Variants in MED13L observed in about 807,000 individuals in gnomAD.
MED13L encodes mediator of RNA polymerase II transcription subunit 13-like.
A neutral mutation model predicts 220.9 loss-of-function variants in MED13L; 7 were observed. The observed-to-expected ratio is 0.03, with a 90% CI of 0.02 to 0.06. MED13L has a LOEUF of 0.06. Ranked by LOEUF, MED13L falls within the 10% of genes least tolerant of loss-of-function variation. The pLI is 1.00. For synonymous variants in MED13L, 1,011 were observed against 1,015.2 expected, an observed-to-expected ratio of 1.00 and a Z score of 0.08; for missense variants, 1,965 against 2,760.5, an observed-to-expected ratio of 0.71 and a Z score of 6.46.
At position 116,007,123 on chromosome 12, in the gene MED13L, T is replaced by G. The variant is rs1038240769; in HGVS notation, c.2238+288A>C. ...AATATTTTAAAAGAAATAGGGAGCA[T>G]AGGCCAACAAGAATTAGCATATGAG... On this transcript the variant is annotated intron_variant, in intron 11 of 30. Coordinates refer to ENST00000281928, the MANE Select transcript of MED13L (RefSeq NM_015335.5). The G allele has an allele frequency of 6.8e-6, 3 of 441,330 alleles. No individual in the cohort carries two copies. The South Asian group carries it at 7.3e-5, about 11-fold the overall frequency. The allele number at this position is 441,330 out of a possible 1,614,324, so 27.3% of individuals were successfully genotyped here. A position where few individuals can be genotyped will look rare whatever the true frequency, so the allele number is the denominator to read the frequency against.
At chr12:116,192,613 T>C (rs1267388621) in intron 2 of MED13L, among the ~76,000 whole-genome samples, 1 of 152,216 alleles carries the variant, frequency 6.6e-6, no homozygotes, top group South Asian at 2.1e-4. Context: ...AAAGTCTTTA[T>C]ACCAACCTAC....
intron 2 of MED13L, among the ~76,000 whole-genome samples, chr12:116,112,028 A>T (rs1020060413): frequency 1.3e-5 from 2 of 152,194 alleles, no homozygotes; most frequent in African/African-American, 4.8e-5. Context: ...AGGAAATTAC[A>T]TCTTCCCAGA....
At chr12:115,982,949 T>G (rs1877430009) in intron 21 of MED13L, among the ~76,000 whole-genome samples, 168 bp downstream of exon 21, 1 of 152,192 alleles carries the variant, frequency 6.6e-6, no homozygotes, top group Non-Finnish European at 1.5e-5. Flanking sequence ...AGTCTCAAAT[T>G]TTTAACACTG....
chr12:116,115,751 T>C (rs546575939), intron 2 of MED13L, among the ~76,000 whole-genome samples: 24 of 152,084 alleles, frequency 1.6e-4, no homozygotes, highest in East Asian at 1.4e-3. Context: ...AATAAGTATA[T>C]GAAAAAGTGC....
chr12:115,992,071 C>A, intron 16 of MED13L, 114 bp from the exon 17 acceptor site: 1 of 874,560 alleles, frequency 1.1e-6, no homozygotes, highest in Non-Finnish European at 1.8e-6. Flanking sequence ...TTTCTGCTAT[C>A]ACTGGGATAC....
At chr12:116,082,627 G>A (rs1871310841) in intron 4 of MED13L, 1 of 151,900 alleles carries the variant, frequency 6.6e-6, no homozygotes, top group South Asian at 2.1e-4. Flanking sequence ...AGATTAACAT[G>A]GCCCCTGCAC....
chr12:115,977,231 A>G lies in MED13L; in HGVS notation c.5365-1493T>C, dbSNP rs80016235. Among the ~76,000 whole-genome samples, 58 of 152,362 alleles carry G rather than the reference A, an allele frequency of 3.8e-4. No individual in the cohort carries two copies. In the East Asian group the frequency reaches 8.5e-3, roughly 22 times the overall value. On this transcript the variant is annotated intron_variant, in intron 23 of 30. Coordinates refer to ENST00000281928, the MANE Select transcript of MED13L (RefSeq NM_015335.5). ...TGCAGGCCAGATACAGCCCAAATCCATAGTTGCTGACCCCTGAACTACACA... is the reference window on the plus strand; with the variant it reads ...TGCAGGCCAGATACAGCCCAAATCCGTAGTTGCTGACCCCTGAACTACACA...
rs890253708 is a variant in MED13L at position 115,982,670 on chromosome 12, G to A, written c.4956-67C>T. On this transcript the variant is annotated intron_variant, in intron 21 of 30. Coordinates refer to ENST00000281928, the MANE Select transcript of MED13L (RefSeq NM_015335.5). ...AATTACACGAACATGAAAAACAAAA[G>A]GGCTCAATTCTAGAGCACACAGGCT... The A allele has an allele frequency of 5.2e-6, 7 of 1,349,158 alleles. No individual in the cohort carries two copies. In the Admixed American group the frequency reaches 1.3e-4, roughly 25 times the overall value. The allele number at this position is 1,349,158 out of a possible 1,614,324, so 83.6% of individuals were successfully genotyped here. A position where few individuals can be genotyped will look rare whatever the true frequency, so the allele number is the denominator to read the frequency against.
At chr12:115,983,829 G>A (rs188156136) in intron 20 of MED13L, among the ~76,000 whole-genome samples, 119 of 152,192 alleles carry the variant, frequency 7.8e-4, no homozygotes, top group South Asian at 1.9e-3. Flanking sequence ...TAAAAAATGA[G>A]AAGCTATATA....
At chr12:116,273,782 G>C (rs1873588421) in intron 1 of MED13L, among the ~76,000 whole-genome samples, 1 of 152,172 alleles carries the variant, frequency 6.6e-6, no homozygotes, top group Non-Finnish European at 1.5e-5. Context: ...TCATATCAAA[G>C]AGCACATATT....
intron 2 of MED13L, among the ~76,000 whole-genome samples, chr12:116,221,015 ATAACTACTAACTCTATC>A (rs1450504461): frequency 6.6e-6 from 1 of 152,174 alleles, no homozygotes; most frequent in Non-Finnish European, 1.5e-5. Context: ...CACTTATTTG[ATAACTACTAACTCTATC>A]CTACATATTA....
intron 4 of MED13L, among the ~76,000 whole-genome samples, chr12:116,061,746 G>A (rs941684458): frequency 2.0e-5 from 3 of 152,158 alleles, no homozygotes; most frequent in East Asian, 3.9e-4. Flanking sequence ...AGTGGCTCAC[G>A]CCTGTAATCT....
chr12:116,019,345 C>A lies in MED13L; in HGVS notation c.888G>T (p.Gln296His). 3.1e-6 allele frequency: 5 copies of A among 1,614,082 alleles called. No homozygotes were observed. The highest frequency in any genetic ancestry group is 3.4e-6 in the Non-Finnish European group (4 of 1,179,964). ...LISQNDIPVP[Q>H]SVASAGGHIA... is the part of the protein sequence containing the mutation. ...TGTGGCCTCCAGCACTGGCAACACT[C>A]TGAGGAACCGGGATGTCATTCTGAG... Residue 296 changes from glutamine to histidine, a missense_variant, in exon 7 of 31, where the codon CAG (glutamine) becomes CAT (histidine). Physicochemically the swap from Gln to His is conservative, Grantham distance 24 (BLOSUM62 0). Coordinates refer to ENST00000281928, the MANE Select transcript of MED13L (RefSeq NM_015335.5).
rs1878402005 is a variant in MED13L at position 115,996,335 on chromosome 12, G to A, written c.2996+141C>T. On this transcript the variant is annotated intron_variant, in intron 16 of 30. Transcript: ENST00000281928. ...TCAAACTCCTGACCTCAAGTGATCT[G>A]CCCGCCTCCACCTCCCAAAGTGCTG... 2.2e-5 allele frequency: 20 copies of A among 890,594 alleles called. 1 individual carries two copies. The South Asian group carries it at 2.5e-4, about 11-fold the overall frequency. 55.2% of individuals were successfully genotyped at this position (890,594 alleles called of 1,614,324 possible).
intron 2 of MED13L, among the ~76,000 whole-genome samples, chr12:116,205,482 T>C (rs1593163500): frequency 9.0e-6 from 1 of 110,580 alleles, no homozygotes; most frequent in African/African-American, 3.6e-5. Flanking sequence ...CTCCCTACAA[T>C]AATCACCTTC....
At chr12:116,057,833 G>C (rs1215308307) in intron 4 of MED13L, among the ~76,000 whole-genome samples, 1 of 151,774 alleles carries the variant, frequency 6.6e-6, no homozygotes, top group East Asian at 1.9e-4. Context: ...AAGAGACTTA[G>C]GATTATTACT....
intron 1 of MED13L, among the ~76,000 whole-genome samples, chr12:116,240,235 T>C (rs1267934648): frequency 6.6e-6 from 1 of 152,062 alleles, no homozygotes; most frequent in Non-Finnish European, 1.5e-5. Context: ...TAGCTGGGAC[T>C]ACATGCGTGC....
At chr12:116,007,134 G>T in intron 11 of MED13L, 1 of 465,108 alleles carries the variant, frequency 2.2e-6, no homozygotes, top group Non-Finnish European at 3.9e-6. Context: ...AGGCCAACAA[G>T]AATTAGCATA....
intron 2 of MED13L, among the ~76,000 whole-genome samples, chr12:116,120,475 TCTCACACACACACACACACACACACACA>T: frequency 1.1e-5 from 1 of 91,750 alleles, no homozygotes; most frequent in East Asian, 3.5e-4. Context: ...TCTCTCTCTC[TCTCACACACACACACACACACACACACA>T]CACACACACA....
Sources: gnomAD v4.1 joint callset for allele counts (sites outside exome capture counted in the v4.1 genomes callset) on GRCh38, gnomAD v4.1.1 for gene constraint, MANE v1.5 for transcripts, NCBI Gene and HGNC (gene_info 2026-07-23, HGNC 2026-07-21) for gene names.